Variants in USH2A observed in about 807,000 individuals in gnomAD.
The protein encoded by USH2A is usherin.
USH2A carries 443 observed loss-of-function variants against 538.9 expected under a neutral mutation model. The ratio of observed to expected loss-of-function variants is 0.82; its 90% confidence interval spans 0.76 to 0.89. USH2A has a LOEUF of 0.89. Ranked by LOEUF, USH2A falls within the 40% of genes least tolerant of loss-of-function variation. The pLI, the probability that USH2A is intolerant of heterozygous loss-of-function variation, is 0.00. For synonymous variants in USH2A, 2,413 were observed against 2,273.5 expected (o/e 1.06, Z -1.75); for missense variants, 6,633 against 6,324.8 (o/e 1.05, Z -1.65).
intron 21 of USH2A, among the ~76,000 whole-genome samples, chr1:216,111,972 G>A (rs1030198232): frequency 6.6e-5 from 10 of 151,764 alleles, no homozygotes; most frequent in Non-Finnish European, 1.3e-4. Flanking sequence ...TGGCTATATA[G>A]TTTAATTTAA....
intron 47 of USH2A, among the ~76,000 whole-genome samples, chr1:215,827,297 C>A (rs2102805770): frequency 6.6e-6 from 1 of 152,082 alleles, no homozygotes; most frequent in South Asian, 2.1e-4. Context: ...GACAAAGTGG[C>A]AGTTGAGGGC....
In USH2A at chr1:215,690,606, C is replaced by A. The variant is rs1020768347; in HGVS notation, c.12067-10230G>T. Among the ~76,000 whole-genome samples the A allele has an allele frequency of 2.6e-5, 4 of 152,160 alleles. No individual in the cohort carries two copies. The South Asian group carries it at 8.3e-4, about 31-fold the overall frequency. ...TATCTCAAAACCCATAGTGTTCAGT[C>A]TCCCTGACTGAAATGATTCTGATGT... On this transcript the variant is annotated intron_variant, in intron 61 of 71. Transcript: ENST00000307340.
intron 4 of USH2A, among the ~76,000 whole-genome samples, chr1:216,350,797 A>G (rs1187153763): frequency 1.3e-5 from 2 of 152,078 alleles, no homozygotes. Flanking sequence ...TGGGTTCTGG[A>G]GTATGGTGGC....
intron 50 of USH2A, among the ~76,000 whole-genome samples, chr1:215,793,384 G>T (rs1230867841): frequency 6.6e-6 from 1 of 152,064 alleles, no homozygotes; most frequent in Non-Finnish European, 1.5e-5. Context: ...GAAAAAAAAG[G>T]TTTGTGATTA....
chr1:216,292,047 T>C, intron 10 of USH2A, 128 bp downstream of exon 10: 2 of 1,120,950 alleles, frequency 1.8e-6, no homozygotes, highest in Non-Finnish European at 2.6e-6. Context: ...CTAGCTTTGA[T>C]TTTCAAACTT....
chr1:216,048,600 T>C lies in USH2A; in HGVS notation c.6097A>G (p.Thr2033Ala). 1 of 1,614,054 alleles carries C rather than the reference T, an allele frequency of 6.2e-7. No individual in the cohort carries two copies. The highest frequency in any genetic ancestry group is 8.5e-7 in the Non-Finnish European group (1 of 1,179,978). ...LPFKNYAVTL[T>A]ACTLAGCTES... is the part of the protein sequence containing the mutation. ...GTACAGCCAGCCAAAGTGCAAGCAG[T>C]TAGGGTTACTGCATAGTTTTTGAAG... Residue 2033 changes from threonine (T) to alanine (A), a missense_variant, in exon 31 of 72, where the codon ACT becomes GCT. By Grantham distance (58) the Thr-to-Ala change is moderately conservative. Coordinates refer to ENST00000307340, the MANE Select transcript of USH2A (RefSeq NM_206933.4).
intron 38 of USH2A, among the ~76,000 whole-genome samples, chr1:215,911,500 T>C (rs1428964313): frequency 1.3e-5 from 2 of 152,056 alleles, no homozygotes; most frequent in East Asian, 3.9e-4. Context: ...TGTAATAATC[T>C]CCAGTTCCAT....
At chr1:215,870,040 T>C (rs1455779196) in intron 43 of USH2A, among the ~76,000 whole-genome samples, 1 of 152,160 alleles carries the variant, frequency 6.6e-6, no homozygotes, top group African/African-American at 2.4e-5. Context: ...TGCTACATCA[T>C]ACAGATTAAA....
At chr1:216,095,206 C>T (rs74143943) in intron 22 of USH2A, among the ~76,000 whole-genome samples, 6,627 of 152,030 alleles carry the variant, frequency 0.044, 477 homozygotes, top group African/African-American at 0.15. Context: ...TGAGCATGTG[C>T]TTTTTGTTCT....
intron 3 of USH2A, among the ~76,000 whole-genome samples, chr1:216,411,626 A>C (rs2039491628): frequency 6.6e-6 from 1 of 152,116 alleles, no homozygotes. Context: ...TGGTGGCTAC[A>C]CTGGGCACTC....
intron 2 of USH2A, among the ~76,000 whole-genome samples, chr1:216,419,644 A>G (rs1001224999): frequency 1.3e-5 from 2 of 152,124 alleles, no homozygotes; most frequent in African/African-American, 2.4e-5. Context: ...TAGATCATTT[A>G]GATCATGAGT....
At chr1:215,893,448 A>T (rs1182255660) in intron 40 of USH2A, among the ~76,000 whole-genome samples, 1 of 152,148 alleles carries the variant, frequency 6.6e-6, no homozygotes, top group African/African-American at 2.4e-5. Context: ...AAATATTGAC[A>T]ATTTAACTTT....
At chr1:216,011,143 C>A (rs1241547219) in intron 32 of USH2A, among the ~76,000 whole-genome samples, 1 of 152,160 alleles carries the variant, frequency 6.6e-6, no homozygotes, top group African/African-American at 2.4e-5. Flanking sequence ...AGGATCTATG[C>A]CTTATCAACC....
intron 21 of USH2A, among the ~76,000 whole-genome samples, chr1:216,109,545 A>C (rs2032817045): frequency 6.6e-6 from 1 of 152,202 alleles, no homozygotes; most frequent in Non-Finnish European, 1.5e-5. Flanking sequence ...TGTTGTTACC[A>C]TGAAAGCGAA....
rs114455674 is a variant in USH2A at position 215,941,498 on chromosome 1, T to A, written c.7121-6703A>T. 8.1e-3 allele frequency among the ~76,000 whole-genome samples: 1,236 copies of A among 152,274 alleles called. 19 individuals carry two copies. The highest frequency in any genetic ancestry group is 0.029 in the African/African-American group (1,187 of 41,562). On this transcript the variant is annotated intron_variant, in intron 37 of 71. Transcript: ENST00000307340. ...ACTTTTTTCCAGCTGAACAAACTGA[T>A]GCTGTTATCTCAATCAGCTAAAAGT...
intron 43 of USH2A, among the ~76,000 whole-genome samples, chr1:215,868,793 T>C (rs1430473684): frequency 2.0e-5 from 3 of 152,116 alleles, no homozygotes; most frequent in Non-Finnish European, 4.4e-5. Flanking sequence ...AAACAGAAAT[T>C]GGAGTTATGC....
At chr1:216,292,790 A>G (rs1278247044) in intron 9 of USH2A, among the ~76,000 whole-genome samples, 3 of 152,182 alleles carry the variant, frequency 2.0e-5, no homozygotes, top group African/African-American at 7.2e-5. Flanking sequence ...AGGAAAGGTT[A>G]TGATAGCTCT....
chr1:216,412,307 T>A lies in USH2A; in HGVS notation c.651+6207A>T, dbSNP rs544997728. On this transcript the variant is annotated intron_variant, in intron 3 of 71. Transcript: ENST00000307340. ...TCACATGCAAAAAACGTACAGAGAATAATTACTTTTTTACTTGGATGGTTT... is the reference window on the plus strand; with the variant it reads ...TCACATGCAAAAAACGTACAGAGAAAAATTACTTTTTTACTTGGATGGTTT... 2.0e-5 allele frequency among the ~76,000 whole-genome samples: 3 copies of A among 152,230 alleles called. No homozygotes were observed. The South Asian group carries it at 6.2e-4, about 32-fold the overall frequency.
intron 21 of USH2A, among the ~76,000 whole-genome samples, chr1:216,135,454 T>C (rs761358245): frequency 6.6e-6 from 1 of 152,142 alleles, no homozygotes; most frequent in Non-Finnish European, 1.5e-5. Flanking sequence ...TCTATCTATA[T>C]ATTCAATTTC....
Sources: allele counts gnomAD v4.1 joint callset (sites outside exome capture counted in the v4.1 genomes callset), GRCh38; gene constraint gnomAD v4.1.1; transcripts MANE v1.5; gene names NCBI Gene and HGNC (gene_info 2026-07-23, HGNC 2026-07-21).